Variants in SPIRE1 observed in about 807,000 individuals in gnomAD.
SPIRE1 encodes the protein protein spire homolog 1.
A neutral mutation model predicts 94.1 loss-of-function variants in SPIRE1; 40 were observed. The ratio of observed to expected loss-of-function variants is 0.43; its 90% CI spans 0.33 to 0.55. The LOEUF (loss-of-function observed/expected upper bound fraction) is 0.55. Among genes scored for constraint, SPIRE1 ranks in the 20% least tolerant of loss-of-function variants. SPIRE1 has a pLI of 0.06. For missense variants in SPIRE1, 838 were observed against 975.2 expected (o/e 0.86, Z 1.87); for synonymous variants, 376 against 371.7 (o/e 1.01, Z -0.13).
chr18:12,610,600 G>A (rs1312700605), intron 2 of SPIRE1, among the ~76,000 whole-genome samples: 1 of 152,086 alleles, frequency 6.6e-6, no homozygotes, highest in African/African-American at 2.4e-5. Context: ...ACCTGCATTT[G>A]TATAGCTGAA....
intron 2 of SPIRE1, among the ~76,000 whole-genome samples, chr18:12,616,672 G>A (rs2037317093): frequency 6.6e-6 from 1 of 152,210 alleles, no homozygotes; most frequent in Admixed American, 6.5e-5. Flanking sequence ...GCGGAGCCCT[G>A]CCTCATAATT....
chr18:12,498,561 C>G (rs1028242359), intron 6 of SPIRE1, among the ~76,000 whole-genome samples: 12 of 152,106 alleles, frequency 7.9e-5, no homozygotes, highest in Admixed American at 3.3e-4. Flanking sequence ...CAAAAAACTT[C>G]TAACACATAA....
chr18:12,517,399 G>A (rs1027485029), intron 4 of SPIRE1, among the ~76,000 whole-genome samples: 28 of 152,252 alleles, frequency 1.8e-4, no homozygotes, highest in African/African-American at 5.8e-4. Flanking sequence ...AATCAAACAA[G>A]CTTGATCAAA....
intron 1 of SPIRE1, among the ~76,000 whole-genome samples, chr18:12,654,227 C>T (rs1272914035): frequency 1.3e-5 from 2 of 149,868 alleles, no homozygotes; most frequent in Non-Finnish European, 2.9e-5. Flanking sequence ...ATCCCAGCTA[C>T]TTGGGAGGCT....
At chr18:12,584,274 T>G (rs906410193) in intron 2 of SPIRE1, among the ~76,000 whole-genome samples, 8 of 151,190 alleles carry the variant, frequency 5.3e-5, no homozygotes, top group African/African-American at 1.9e-4. Context: ...TACTAAAACT[T>G]CAAAAATTAG....
chr18:12,516,048 C>T (rs1219869968), intron 4 of SPIRE1: 2 of 152,140 alleles, frequency 1.3e-5, no homozygotes, highest in African/African-American at 4.8e-5. Context: ...AATATTACAA[C>T]AGACATCTCA....
chr18:12,631,632 T>C (rs182687299), intron 2 of SPIRE1, among the ~76,000 whole-genome samples: 2 of 150,818 alleles, frequency 1.3e-5, no homozygotes, highest in East Asian at 1.9e-4. Context: ...TCCCAACACT[T>C]TGGGAGGGTG....
At chr18:12,473,374 AATAATG>A (rs1440426701) in intron 10 of SPIRE1, among the ~76,000 whole-genome samples, 1 of 152,170 alleles carries the variant, frequency 6.6e-6, no homozygotes, top group Non-Finnish European at 1.5e-5. Flanking sequence ...TGTTGCTCTT[AATAATG>A]GTAGAAAACT....
At chr18:12,590,552 G>A (rs2036505279) in intron 2 of SPIRE1, among the ~76,000 whole-genome samples, 2 of 152,040 alleles carry the variant, frequency 1.3e-5, no homozygotes, top group African/African-American at 4.8e-5. Context: ...TCCAGTATTG[G>A]GCCACAATAG....
intron 2 of SPIRE1, among the ~76,000 whole-genome samples, chr18:12,611,312 C>T (rs750365272): frequency 1.2e-4 from 18 of 152,262 alleles, no homozygotes; most frequent in Middle Eastern, 6.8e-3. Flanking sequence ...AGCAGAATAA[C>T]GGAATGTAAC....
chr18:12,486,598 G>A (rs2143815153), intron 8 of SPIRE1, among the ~76,000 whole-genome samples: 1 of 152,348 alleles, frequency 6.6e-6, no homozygotes, highest in South Asian at 2.1e-4. Flanking sequence ...CTAACTGGGA[G>A]TGTGACCCCA....
intron 1 of SPIRE1, among the ~76,000 whole-genome samples, chr18:12,644,651 AG>A (rs1396283314): frequency 6.6e-6 from 1 of 152,220 alleles, no homozygotes; most frequent in East Asian, 1.9e-4. Context: ...GGAGCACCTA[AG>A]GCAACAAAGG....
At chr18:12,450,529 G>C in intron 16 of SPIRE1, 1 of 551,700 alleles carries the variant, frequency 1.8e-6, no homozygotes, top group Non-Finnish European at 3.2e-6. Flanking sequence ...AAGAACATAA[G>C]AAGAAGAGCC....
At chr18:12,486,427 T>C (rs572710727) in intron 8 of SPIRE1, among the ~76,000 whole-genome samples, 28 of 152,336 alleles carry the variant, frequency 1.8e-4, no homozygotes, top group Admixed American at 9.8e-4. Context: ...GGATGAAAAT[T>C]TGGCTCTCAG....
At chr18:12,480,639 GAATA>G (rs1360569383) in intron 9 of SPIRE1, among the ~76,000 whole-genome samples, 3 of 152,270 alleles carry the variant, frequency 2.0e-5, no homozygotes, top group Admixed American at 6.5e-5. Flanking sequence ...CTCTATTGGT[GAATA>G]AATAAACTAA....
chr18:12,578,332 T>C (rs1324083339), intron 2 of SPIRE1, among the ~76,000 whole-genome samples: 1 of 152,142 alleles, frequency 6.6e-6, no homozygotes, highest in Admixed American at 6.6e-5. Flanking sequence ...ATAAACAAAT[T>C]GCAATATATT....
intron 2 of SPIRE1, among the ~76,000 whole-genome samples, chr18:12,615,341 A>ATAAAT (rs1555632314): frequency 7.6e-5 from 3 of 39,320 alleles, no homozygotes; most frequent in Non-Finnish European, 2.5e-4. Context: ...AAAAAAAAAA[A>ATAAAT]AAAAATATAT....
At chr18:12,658,263 C>A (rs141693404), upstream of SPIRE1, 1,143 of 460,548 alleles carry the variant, frequency 2.5e-3, 4 homozygotes, top group Middle Eastern at 7.3e-3. Flanking sequence ...GGTCTCTAGC[C>A]CGCAGGGCTC....
chr18:12,645,758 G>C (rs1367673269), intron 1 of SPIRE1, among the ~76,000 whole-genome samples: 1 of 152,042 alleles, frequency 6.6e-6, no homozygotes, highest in East Asian at 1.9e-4. Flanking sequence ...TCATTTTCCT[G>C]CTTAAAACCC....
Sources: allele counts gnomAD v4.1 joint callset (sites outside exome capture counted in the v4.1 genomes callset), GRCh38; gene constraint gnomAD v4.1.1; transcripts MANE v1.5; gene names NCBI Gene and HGNC (gene_info 2026-07-23, HGNC 2026-07-21).